The following WDR70 variants were observed in gnomAD, a reference collection of about 807,000 sequenced individuals.
The protein encoded by WDR70 is WD repeat-containing protein 70.
WDR70 carries 53 observed loss-of-function variants against 88.6 expected under a neutral mutation model. The observed-to-expected ratio is 0.60, with a 90% confidence interval of 0.48 to 0.75. The LOEUF (loss-of-function observed/expected upper bound fraction) is 0.75, where lower values mean the gene tolerates loss of function less well. Ranked by LOEUF, WDR70 falls within the 30% of genes least tolerant of loss-of-function variation. The pLI is 0.00. For synonymous variants in WDR70, 280 were observed against 270.0 expected (o/e 1.04, Z -0.36); for missense variants, 610 against 823.2 (o/e 0.74, Z 3.17).
chr5:37,456,559 AAT>A (rs1338463070), intron 7 of WDR70, among the ~76,000 whole-genome samples: 2 of 152,098 alleles, frequency 1.3e-5, no homozygotes, highest in Non-Finnish European at 2.9e-5. Context: ...CCACTTTTGT[AAT>A]ATATAATTTA....
rs543732888 is a variant in WDR70 at position 37,749,765 on chromosome 5, A to ATGACAGT, written c.1878-2717_1878-2711dup. The stretch of plus-strand genomic sequence containing the variant: ...AACTGTTGTGATCTAGTGATTAGAA[A>ATGACAGT]TGACAGTTGAAGTGACCCTGATGCA... On this transcript the variant is annotated intron_variant, in intron 17 of 17. Transcript: ENST00000265107. Among the ~76,000 whole-genome samples, 610 of 151,906 alleles carry ATGACAGT rather than the reference A, an allele frequency of 4.0e-3. 8 individuals are homozygous for ATGACAGT. The highest frequency in any genetic ancestry group is 0.014 in the African/African-American group (589 of 41,412).
chr5:37,424,084 G>A (rs1229057966), intron 5 of WDR70, among the ~76,000 whole-genome samples: 3 of 141,152 alleles, frequency 2.1e-5, no homozygotes, highest in African/African-American at 5.2e-5. Flanking sequence ...GAGAAGTGGA[G>A]GTTGCAGTGA....
At chr5:37,448,018 A>G (rs1420282134) in intron 7 of WDR70, among the ~76,000 whole-genome samples, 2 of 152,200 alleles carry the variant, frequency 1.3e-5, no homozygotes, top group African/African-American at 4.8e-5. Flanking sequence ...CTGAAGAGGC[A>G]GGATAAAAGC....
intron 5 of WDR70, among the ~76,000 whole-genome samples, chr5:37,402,002 C>T (rs1272636774): frequency 6.6e-6 from 1 of 152,156 alleles, no homozygotes; most frequent in Non-Finnish European, 1.5e-5. Context: ...AGTTACTTTA[C>T]AATGCTATAG....
At chr5:37,557,897 A>T in intron 9 of WDR70, among the ~76,000 whole-genome samples, 1 of 151,226 alleles carries the variant, frequency 6.6e-6, no homozygotes, top group Non-Finnish European at 1.5e-5. Flanking sequence ...TCCTCTTCAG[A>T]TTTATACTCT....
intron 9 of WDR70, among the ~76,000 whole-genome samples, chr5:37,538,490 T>G (rs961280424): frequency 6.6e-6 from 1 of 152,128 alleles, no homozygotes; most frequent in Non-Finnish European, 1.5e-5. Context: ...TTAGATGCAG[T>G]TGGGGGGAGG....
intron 5 of WDR70, among the ~76,000 whole-genome samples, chr5:37,434,444 A>C (rs1305275321): frequency 6.6e-6 from 1 of 152,222 alleles, no homozygotes; most frequent in Non-Finnish European, 1.5e-5. Context: ...GCTGTACTTC[A>C]GTGATTTCTG....
chr5:37,522,959 G>A (rs993043552), intron 9 of WDR70, among the ~76,000 whole-genome samples: 3 of 152,240 alleles, frequency 2.0e-5, no homozygotes, highest in Non-Finnish European at 2.9e-5. Context: ...GCTGAGGCTT[G>A]AGTAGGTAAA....
chr5:37,676,447 G>C (rs978713148), intron 10 of WDR70, among the ~76,000 whole-genome samples: 1 of 152,064 alleles, frequency 6.6e-6, no homozygotes, highest in Non-Finnish European at 1.5e-5. Context: ...AGCATGAAGG[G>C]TGTTGAATTT....
chr5:37,493,330 C>T (rs1410581662), intron 8 of WDR70, among the ~76,000 whole-genome samples: 1 of 152,132 alleles, frequency 6.6e-6, no homozygotes, highest in Non-Finnish European at 1.5e-5. Context: ...CTAATGCATT[C>T]CTTGCCACAT....
chr5:37,396,055 C>T (rs752369275), intron 4 of WDR70, among the ~76,000 whole-genome samples: 3 of 152,132 alleles, frequency 2.0e-5, no homozygotes, highest in Non-Finnish European at 2.9e-5. Context: ...TGCCTTGGTC[C>T]CTGAAAGTGC....
intron 10 of WDR70, among the ~76,000 whole-genome samples, chr5:37,654,759 A>G (rs1393735182): frequency 1.4e-5 from 2 of 147,136 alleles, no homozygotes; most frequent in East Asian, 1.9e-4. Flanking sequence ...ATCAGAGACT[A>G]GGATTGCAGC....
At chr5:37,564,029 C>G (rs1407365104) in intron 9 of WDR70, among the ~76,000 whole-genome samples, 1 of 148,428 alleles carries the variant, frequency 6.7e-6, no homozygotes, top group Non-Finnish European at 1.5e-5. Context: ...AGAGACGCTC[C>G]TCACTTTCCA....
At chr5:37,721,083 C>G in intron 13 of WDR70, 32 bp from the exon 14 acceptor site, 1 of 1,603,306 alleles carries the variant, frequency 6.2e-7, no homozygotes, top group Non-Finnish European at 8.5e-7. Context: ...TATCTGGCCT[C>G]TTTAGTCAAC....
chr5:37,571,241 TTTCTC>T (rs1328506349), intron 9 of WDR70, among the ~76,000 whole-genome samples: 1 of 152,176 alleles, frequency 6.6e-6, no homozygotes, highest in African/African-American at 2.4e-5. Context: ...CATATACTCT[TTTCTC>T]TAACAACATT....
intron 4 of WDR70, among the ~76,000 whole-genome samples, chr5:37,394,011 A>G (rs1302867919): frequency 1.3e-5 from 2 of 152,120 alleles, no homozygotes; most frequent in Admixed American, 1.3e-4. Context: ...TTGTGGTTAA[A>G]AAAGATACTT....
intron 8 of WDR70, among the ~76,000 whole-genome samples, chr5:37,501,923 AG>A: frequency 6.6e-6 from 1 of 152,252 alleles, no homozygotes; most frequent in East Asian, 1.9e-4. Flanking sequence ...TTGGCTATTC[AG>A]GCTCTTTTTT....
At chr5:37,693,082 A>G (rs576263809) in intron 10 of WDR70, among the ~76,000 whole-genome samples, 1 of 152,192 alleles carries the variant, frequency 6.6e-6, no homozygotes, top group Non-Finnish European at 1.5e-5. Flanking sequence ...ACAGACAAAC[A>G]GCCAAATCAT....
At chr5:37,492,169 A>G (rs571035723) in intron 8 of WDR70, among the ~76,000 whole-genome samples, 294 of 152,324 alleles carry the variant, frequency 1.9e-3, no homozygotes, top group Non-Finnish European at 3.1e-3. Flanking sequence ...TAGGAGGGAG[A>G]TAAACCAATC....
Sources: allele counts gnomAD v4.1 joint callset (sites outside exome capture counted in the v4.1 genomes callset), GRCh38; gene constraint gnomAD v4.1.1; transcripts MANE v1.5; gene names NCBI Gene and HGNC (gene_info 2026-07-23, HGNC 2026-07-21).